The following IMMP1L variants were observed in gnomAD, a reference collection of about 807,000 sequenced individuals.
IMMP1L encodes the protein mitochondrial inner membrane protease subunit 1.
A neutral mutation model predicts 21.8 loss-of-function variants in IMMP1L; 24 were observed. The ratio of observed to expected loss-of-function variants is 1.10; its 90% CI spans 0.80 to 1.55. The LOEUF (loss-of-function observed/expected upper bound fraction) is 1.55. IMMP1L is among the 40% of genes most tolerant of loss of function. The pLI is 0.00. For synonymous variants in IMMP1L, 46 were observed against 62.8 expected, an observed-to-expected ratio of 0.73 and a Z score of 1.26; for missense variants, 195 against 200.7, an observed-to-expected ratio of 0.97 and a Z score of 0.17.
intron 4 of IMMP1L, among the ~76,000 whole-genome samples, chr11:31,451,442 T>A (rs1000774357): frequency 1.3e-5 from 2 of 152,148 alleles, no homozygotes; most frequent in Non-Finnish European, 2.9e-5. Context: ...AAAACGTGGT[T>A]TGATTCTGAT....
chr11:31,476,814 C>T (rs1320799453), intron 1 of IMMP1L, among the ~76,000 whole-genome samples: 6 of 151,854 alleles, frequency 4.0e-5, no homozygotes, highest in South Asian at 2.1e-4. Context: ...TATATTGGAT[C>T]GTGTTAGAAA....
chr11:31,506,491 T>C (rs946851687), intron 1 of IMMP1L, among the ~76,000 whole-genome samples: 1 of 151,862 alleles, frequency 6.6e-6, no homozygotes, highest in African/African-American at 2.4e-5. Context: ...CGTCCTCCCA[T>C]AGTGCTGGAA....
intron 1 of IMMP1L, among the ~76,000 whole-genome samples, chr11:31,484,508 G>A (rs759163605): frequency 1.4e-4 from 21 of 151,648 alleles, no homozygotes; most frequent in Non-Finnish European, 2.1e-4. Context: ...TTCATTTAAC[G>A]AACACGTTGC....
intron 1 of IMMP1L, among the ~76,000 whole-genome samples, chr11:31,498,421 T>A (rs1474119032): frequency 4.6e-5 from 7 of 152,230 alleles, no homozygotes; most frequent in African/African-American, 1.7e-4. Flanking sequence ...CAAAGAGGTC[T>A]AATTTTTTTT....
intron 1 of IMMP1L, among the ~76,000 whole-genome samples, chr11:31,473,075 A>G (rs1330142066): frequency 6.6e-6 from 1 of 151,542 alleles, no homozygotes; most frequent in African/African-American, 2.4e-5. Flanking sequence ...TTTGAGACGG[A>G]GTCTCGCTCT....
chr11:31,448,006 T>A (rs568857222), intron 4 of IMMP1L, among the ~76,000 whole-genome samples: 29 of 152,128 alleles, frequency 1.9e-4, no homozygotes, highest in Admixed American at 3.3e-4. Context: ...TTCCAGTAGA[T>A]CTAGTAAAGA....
At chr11:31,487,778 T>C (rs907346892) in intron 1 of IMMP1L, among the ~76,000 whole-genome samples, 6 of 152,158 alleles carry the variant, frequency 3.9e-5, no homozygotes, top group African/African-American at 1.4e-4. Flanking sequence ...CCTAGAAGCA[T>C]CCTTCAGTGT....
intron 1 of IMMP1L, among the ~76,000 whole-genome samples, chr11:31,497,650 C>T (rs1055952515): frequency 4.6e-5 from 7 of 151,958 alleles, no homozygotes; most frequent in African/African-American, 7.2e-5. Flanking sequence ...TTAGTAGAGA[C>T]GGGGTTTCAG....
intron 4 of IMMP1L, among the ~76,000 whole-genome samples, chr11:31,451,158 G>A (rs1466950501): frequency 6.6e-6 from 1 of 152,102 alleles, no homozygotes; most frequent in Non-Finnish European, 1.5e-5. Flanking sequence ...ATTATGCAGG[G>A]TCTTGCAGGC....
At chr11:31,503,146 A>C (rs1458915632) in intron 1 of IMMP1L, among the ~76,000 whole-genome samples, 2 of 152,236 alleles carry the variant, frequency 1.3e-5, no homozygotes, top group African/African-American at 4.8e-5. Flanking sequence ...TCAGTATTTC[A>C]GTACTTTCAA....
At chr11:31,432,641 A>G in intron 5 of IMMP1L, 73 bp from the exon 6 acceptor site, 2 of 1,002,164 alleles carry the variant, frequency 2.0e-6, no homozygotes, top group South Asian at 2.6e-5. Flanking sequence ...CCCTTTTGCT[A>G]TCTGTCCCTT....
chr11:31,485,571 C>G (rs1366908643), intron 1 of IMMP1L, among the ~76,000 whole-genome samples: 2 of 151,866 alleles, frequency 1.3e-5, no homozygotes, highest in East Asian at 3.8e-4. Context: ...ATTCTCTACT[C>G]TTATAGTCAG....
At chr11:31,446,460 C>A (rs1460199896) in intron 4 of IMMP1L, among the ~76,000 whole-genome samples, 1 of 152,116 alleles carries the variant, frequency 6.6e-6, no homozygotes, top group African/African-American at 2.4e-5. Flanking sequence ...TTGTTTAATT[C>A]TTATTTTTAG....
At chr11:31,442,357 A>C (rs1401143647) in intron 4 of IMMP1L, among the ~76,000 whole-genome samples, 1 of 152,196 alleles carries the variant, frequency 6.6e-6, no homozygotes, top group Non-Finnish European at 1.5e-5. Flanking sequence ...TTGTGGAGGC[A>C]ATACACAGGT....
At chr11:31,475,777 G>T (rs932269154) in intron 1 of IMMP1L, among the ~76,000 whole-genome samples, 1 of 152,088 alleles carries the variant, frequency 6.6e-6, no homozygotes, top group Non-Finnish European at 1.5e-5. Flanking sequence ...CCATTGAGAA[G>T]ATCTTATGTT....
At chr11:31,470,412 TCAAAAAA>T (rs1191073596) in intron 1 of IMMP1L, among the ~76,000 whole-genome samples, 17 of 143,810 alleles carry the variant, frequency 1.2e-4, no homozygotes, top group African/African-American at 2.3e-4. Flanking sequence ...AAACTCCATC[TCAAAAAA>T]CAAAAAACAA....
intron 1 of IMMP1L, among the ~76,000 whole-genome samples, chr11:31,500,602 C>T (rs1208266079): frequency 1.3e-5 from 2 of 148,720 alleles, no homozygotes; most frequent in African/African-American, 2.6e-5. Flanking sequence ...TGCACACACA[C>T]ACACACACAA....
At chr11:31,474,137 C>A (rs755838451) in intron 1 of IMMP1L, among the ~76,000 whole-genome samples, 2 of 152,170 alleles carry the variant, frequency 1.3e-5, no homozygotes, top group Non-Finnish European at 1.5e-5. Flanking sequence ...TAGATTTTGA[C>A]ATTTCTGAGA....
At chr11:31,432,862 C>T (rs1952960166) in intron 5 of IMMP1L, among the ~76,000 whole-genome samples, 1 of 152,106 alleles carries the variant, frequency 6.6e-6, no homozygotes, top group South Asian at 2.1e-4. Context: ...TTACTACTTG[C>T]AAGTAAGAGT....
Sources: allele counts gnomAD v4.1 joint callset (sites outside exome capture counted in the v4.1 genomes callset), GRCh38; gene constraint gnomAD v4.1.1; transcripts MANE v1.5; gene names NCBI Gene and HGNC (gene_info 2026-07-23, HGNC 2026-07-21).